The following C1RL variants were observed in gnomAD, a reference collection of about 807,000 sequenced individuals.
C1RL encodes the protein complement C1r subcomponent like, also known as complement C1r subcomponent-like protein.
C1RL carries 27 observed loss-of-function variants against 27.9 expected under a neutral mutation model. The ratio of observed to expected loss-of-function variants is 0.97; its 90% CI spans 0.71 to 1.33. C1RL has a LOEUF of 1.33. Among genes scored for constraint, C1RL ranks in the 40% most tolerant of loss-of-function variants. C1RL has a pLI of 0.00. For missense variants in C1RL, 563 were observed against 623.9 expected (o/e 0.90, Z 1.04); for synonymous variants, 248 against 252.1 (o/e 0.98, Z 0.15).
intron 2 of C1RL, among the ~76,000 whole-genome samples, chr12:7,105,665 C>T (rs759856868): frequency 2.0e-5 from 3 of 152,146 alleles, no homozygotes; most frequent in Non-Finnish European, 4.4e-5. Context: ...TAAAAAAGAA[C>T]TTGGATGAAA....
intron 1 of C1RL, 164 bp downstream of exon 1, chr12:7,108,944 GCT>G: frequency 1.7e-6 from 1 of 589,654 alleles, no homozygotes; most frequent in Non-Finnish European, 3.1e-6. Context: ...TGCTGCTGCT[GCT>G]GGTGTGTGTA....
In C1RL at chr12:7,094,814, A is replaced by G; in HGVS notation, c.*1577T>C. On this transcript the variant is annotated 3_prime_UTR_variant, in exon 6 of 6. Coordinates refer to ENST00000266542, the MANE Select transcript of C1RL (RefSeq NM_016546.4). Reference sequence around the variant, plus strand: ...GGCTGGACTTCAACTCCTGGGCTCAAGCGATCCTCTTGCATCAGCCTCCTG... The same window carrying G: ...GGCTGGACTTCAACTCCTGGGCTCAGGCGATCCTCTTGCATCAGCCTCCTG... 1 of 962,468 alleles carries G rather than the reference A, an allele frequency of 1.0e-6. No individual in the cohort carries two copies. Among genetic ancestry groups the G allele is most frequent in the South Asian group, 4.7e-5 (1 of 21,180 alleles). 59.6% of individuals were successfully genotyped at this position (962,468 alleles called of 1,614,324 possible).
chr12:7,095,339 C>T lies in C1RL; in HGVS notation c.*1052G>A. On this transcript the variant is annotated 3_prime_UTR_variant, in exon 6 of 6. Coordinates refer to ENST00000266542, the MANE Select transcript of C1RL (RefSeq NM_016546.4). ...CCATGTTGGCCAGGATGGGCTGGAT[C>T]TCCTGACCTCGTGATCCACCCACCT... is the stretch of plus-strand genomic sequence containing the variant. 1 of 962,036 alleles carries T rather than the reference C, an allele frequency of 1.0e-6. No individual in the cohort carries two copies. Among genetic ancestry groups the T allele is most frequent in the Non-Finnish European group, 1.3e-6 (1 of 787,372 alleles). 59.6% of individuals were successfully genotyped at this position (962,036 alleles called of 1,614,324 possible). A position where few individuals can be genotyped will look rare whatever the true frequency, so the allele number is the denominator to read the frequency against.
intron 5 of C1RL, among the ~76,000 whole-genome samples, chr12:7,099,054 A>AT (rs1296166447): frequency 1.4e-5 from 2 of 145,296 alleles, no homozygotes; most frequent in Admixed American, 6.8e-5. Flanking sequence ...AAAAAAAAAA[A>AT]AAATAAAATA....
chr12:7,108,988 T>TGTGTGG, intron 1 of C1RL, 122 bp downstream of exon 1: 2 of 109,884 alleles, frequency 1.8e-5, no homozygotes, highest in Non-Finnish European at 1.5e-5. Flanking sequence ...TGTGTGTGTG[T>TGTGTGG]GGGGGGGGGG....
chr12:7,106,519 C>T (rs749287559), intron 2 of C1RL, among the ~76,000 whole-genome samples: 1 of 152,072 alleles, frequency 6.6e-6, no homozygotes, highest in Non-Finnish European at 1.5e-5. Context: ...GAATGTGTGA[C>T]GGCTTAGAGA....
At chr12:7,098,094 C>T (rs1384368624) in intron 5 of C1RL, among the ~76,000 whole-genome samples, 1 of 151,246 alleles carries the variant, frequency 6.6e-6, no homozygotes, top group East Asian at 2.0e-4. Flanking sequence ...GGTGAAACCC[C>T]GTCTCTACTA....
chr12:7,108,921 G>A, intron 1 of C1RL, 189 bp downstream of exon 1: 1 of 598,044 alleles, frequency 1.7e-6, no homozygotes, highest in Middle Eastern at 4.2e-4. Context: ...TGGAATATCT[G>A]CTGTGCTGCT....
rs897740269 is a variant in C1RL, at chr12:7,095,332, G to A, written c.*1059C>T. ...GGTTTCACCATGTTGGCCAGGATGG[G>A]CTGGATCTCCTGACCTCGTGATCCA... On this transcript the variant is annotated 3_prime_UTR_variant, in exon 6 of 6. Transcript: ENST00000266542. 2 of 938,182 alleles carry A rather than the reference G, an allele frequency of 2.1e-6. No homozygotes were observed. The highest frequency in any genetic ancestry group is 2.6e-6 in the Non-Finnish European group (2 of 763,848). The allele number at this position is 938,182 out of a possible 1,614,324, so 58.1% of individuals were successfully genotyped here.
chr12:7,103,520 G>C (rs1938682430), intron 2 of C1RL, among the ~76,000 whole-genome samples: 1 of 152,140 alleles, frequency 6.6e-6, no homozygotes, highest in African/African-American at 2.4e-5. Flanking sequence ...CTCAATACCT[G>C]CTCCTTCAAA....
At chr12:7,097,732 T>C (rs1236291279) in intron 5 of C1RL, among the ~76,000 whole-genome samples, 1 of 152,130 alleles carries the variant, frequency 6.6e-6, no homozygotes, top group African/African-American at 2.4e-5. Flanking sequence ...GAGCACATGT[T>C]TGGGGCTGGT....
At chr12:7,108,230 C>G (rs754422107) in intron 2 of C1RL, 21 bp downstream of exon 2, 1 of 1,486,274 alleles carries the variant, frequency 6.7e-7, no homozygotes, top group Admixed American at 1.9e-5. Context: ...CCTGGCGGGA[C>G]CCCCCCCATC....
chr12:7,100,916 A>G (rs951842034), intron 3 of C1RL, among the ~76,000 whole-genome samples: 2 of 152,166 alleles, frequency 1.3e-5, no homozygotes, highest in African/African-American at 4.8e-5. Context: ...ATATAGACAC[A>G]CACAATTTAT....
intron 3 of C1RL, chr12:7,101,515 C>T (rs1167081139): frequency 3.9e-6 from 1 of 256,506 alleles, no homozygotes. Context: ...AGCAATCTTC[C>T]AGCCTTGGCC....
chr12:7,106,381 T>G (rs1938764323), intron 2 of C1RL, among the ~76,000 whole-genome samples: 1 of 152,148 alleles, frequency 6.6e-6, no homozygotes, highest in Non-Finnish European at 1.5e-5. Flanking sequence ...AAAATACCCT[T>G]TCTAAGGAAG....
chr12:7,094,626 C>T lies in C1RL; in HGVS notation c.*1765G>A. 2 of 973,408 alleles carry T rather than the reference C, an allele frequency of 2.1e-6. No homozygotes were observed. The highest frequency in any genetic ancestry group is 2.4e-6 in the Non-Finnish European group (2 of 819,136). The allele number at this position is 973,408 out of a possible 1,614,324, so 60.3% of individuals were successfully genotyped here. ...CATTTTTTGCAATCATAAAAATAAG[C>T]AAAATAAAATAAAAACATTTCATGC... On this transcript the variant is annotated 3_prime_UTR_variant, in exon 6 of 6. Transcript: ENST00000266542.
At position 7,099,763 on chromosome 12, in the gene C1RL, G is replaced by A. The variant is rs753467574; in HGVS notation, c.617-3C>T. 8 of 1,589,510 alleles carry A rather than the reference G, an allele frequency of 5.0e-6. No homozygotes were observed. In the East Asian group the frequency reaches 1.1e-4, roughly 23 times the overall value. On this transcript the variant is annotated splice_region_variant and splice_polypyrimidine_tract_variant and intron_variant, in intron 4 of 5. Transcript: ENST00000266542. The stretch of plus-strand genomic sequence containing the variant: ...TGGGGTTGCACAGGTGAGTGCCCCT[G>A]TGGCGTAAATGAGGAGAGGCAAAGA...
At chr12:7,101,841 C>G in intron 3 of C1RL, 57 bp downstream of exon 3, 1 of 1,561,326 alleles carries the variant, frequency 6.4e-7, no homozygotes. Context: ...TTGAAGATAC[C>G]AGGGTCATGG....
chr12:7,101,573 A>C, intron 3 of C1RL: 1 of 432,054 alleles, frequency 2.3e-6, no homozygotes. Flanking sequence ...TCCAGCCAGT[A>C]TTTATCTTTC....
Sources: gnomAD v4.1 joint callset for allele counts (sites outside exome capture counted in the v4.1 genomes callset) on GRCh38, gnomAD v4.1.1 for gene constraint, MANE v1.5 for transcripts, NCBI Gene and HGNC (gene_info 2026-07-23, HGNC 2026-07-21) for gene names.